The following RABL3 variants were observed in gnomAD, a reference collection of about 807,000 sequenced individuals.
RABL3 encodes rab-like protein 3.
RABL3 carries 31 observed loss-of-function variants against 31.8 expected under a neutral mutation model. The observed-to-expected ratio is 0.97, with a 90% confidence interval of 0.73 to 1.31. RABL3 has a LOEUF of 1.31. RABL3 is among the 40% of genes most tolerant of loss of function. The pLI is 0.00. For missense variants in RABL3, 263 were observed against 279.6 expected (o/e 0.94, Z 0.42); for synonymous variants, 97 against 99.9 (o/e 0.97, Z 0.18).
At chr3:120,727,461 T>C (rs1450447261) in intron 2 of RABL3, among the ~76,000 whole-genome samples, 1 of 152,084 alleles carries the variant, frequency 6.6e-6, no homozygotes. Flanking sequence ...ACTTAAAAAC[T>C]TCCCGCAAAG....
chr3:120,738,266 T>G (rs1003942725), intron 1 of RABL3, among the ~76,000 whole-genome samples: 9 of 152,230 alleles, frequency 5.9e-5, no homozygotes, highest in African/African-American at 1.7e-4. Flanking sequence ...GTGCTAGCAA[T>G]GAGCAAGGCT....
intron 6 of RABL3, 139 bp downstream of exon 6, chr3:120,694,014 T>G: frequency 1.8e-6 from 1 of 570,750 alleles, no homozygotes; most frequent in Non-Finnish European, 3.1e-6. Flanking sequence ...TACCAACAGA[T>G]AAGAGAGATC....
chr3:120,713,400 T>A (rs1202349069), intron 2 of RABL3, among the ~76,000 whole-genome samples: 1 of 152,258 alleles, frequency 6.6e-6, no homozygotes, highest in African/African-American at 2.4e-5. Flanking sequence ...CTAGTTATGA[T>A]GTTACATCTT....
rs1432691783 is a variant in RABL3, at chr3:120,687,468, T to C, written c.*2355A>G. On this transcript the variant is annotated 3_prime_UTR_variant, in exon 8 of 8. Coordinates refer to ENST00000273375, the MANE Select transcript of RABL3 (RefSeq NM_173825.5). ...GCCAATTATACTTTTAAAAAAATAT[T>C]TTGACATTTATACTTGTTTATTATC... The C allele has an allele frequency of 6.6e-6, 1 of 152,162 alleles. No individual in the cohort carries two copies. Among genetic ancestry groups the C allele is most frequent in the African/African-American group, 2.4e-5 (1 of 41,442 alleles). 9.4% of individuals were successfully genotyped at this position (152,162 alleles called of 1,614,324 possible).
intron 1 of RABL3, among the ~76,000 whole-genome samples, chr3:120,736,998 A>G (rs951727113): frequency 1.3e-5 from 2 of 152,076 alleles, no homozygotes; most frequent in African/African-American, 4.8e-5. Context: ...TGACAATTAC[A>G]TGTCTTGGAG....
At chr3:120,718,998 T>C (rs1483418477) in intron 2 of RABL3, among the ~76,000 whole-genome samples, 2 of 151,978 alleles carry the variant, frequency 1.3e-5, no homozygotes, top group Admixed American at 6.6e-5. Flanking sequence ...AAATGAGGAA[T>C]AGACAAATTC....
intron 3 of RABL3, among the ~76,000 whole-genome samples, chr3:120,708,941 G>A (rs1303646736): frequency 1.3e-5 from 2 of 151,884 alleles, no homozygotes; most frequent in African/African-American, 4.8e-5. Context: ...GAAGACATCA[G>A]AAGAGGAATA....
intron 5 of RABL3, among the ~76,000 whole-genome samples, chr3:120,694,503 T>C: frequency 6.6e-6 from 1 of 152,090 alleles, no homozygotes; most frequent in East Asian, 1.9e-4. Context: ...ATTACTAATA[T>C]TTTACTAATA....
At chr3:120,713,628 A>G (rs984709164) in intron 2 of RABL3, among the ~76,000 whole-genome samples, 55 of 152,332 alleles carry the variant, frequency 3.6e-4, no homozygotes, top group African/African-American at 1.2e-3. Context: ...GATTTTCTTA[A>G]CAATAAAGGA....
chr3:120,690,390 A>G, intron 7 of RABL3, 59 bp downstream of exon 7: 1 of 1,276,416 alleles, frequency 7.8e-7, no homozygotes, highest in Non-Finnish European at 1.1e-6. Context: ...CTGAACTTAA[A>G]TTTGGAAATC....
chr3:120,722,950 A>G (rs2107590292), intron 2 of RABL3, among the ~76,000 whole-genome samples: 1 of 152,304 alleles, frequency 6.6e-6, no homozygotes, highest in South Asian at 2.1e-4. Context: ...CTAAGATCAG[A>G]GCAGAACTGA....
Position 120,698,468 on chromosome 3 carries a change from C to T in RABL3, c.489G>A (p.Arg163=), listed in dbSNP as rs374236752. 4 of 1,613,912 alleles carry T rather than the reference C, an allele frequency of 2.5e-6. No individual in the cohort carries two copies. The African/African-American group carries it at 5.3e-5, about 22-fold the overall frequency. Residue 163 remains arginine (R), a synonymous_variant, in exon 5 of 8, where the codon AGG becomes AGA. Transcript: ENST00000273375. The stretch of plus-strand genomic sequence containing the variant: ...TGAAATCCTCAGCCAGGAAAGCAGT[C>T]CTAGTTAAAACTTCATGGCGCTTTG... ...HETKRHEVLT[R]TAFLAEDFNP... is the part of the protein sequence containing the mutation.
At chr3:120,696,109 G>C (rs1708432757) in intron 5 of RABL3, among the ~76,000 whole-genome samples, 1 of 152,202 alleles carries the variant, frequency 6.6e-6, no homozygotes, top group African/African-American at 2.4e-5. Context: ...AGTTTTTACA[G>C]GGTACAATAA....
intron 1 of RABL3, among the ~76,000 whole-genome samples, chr3:120,734,190 C>T (rs946647372): frequency 1.3e-5 from 2 of 152,144 alleles, no homozygotes; most frequent in African/African-American, 4.8e-5. Flanking sequence ...ATGGAATGTT[C>T]TTCCAATTAT....
intron 3 of RABL3, among the ~76,000 whole-genome samples, chr3:120,706,816 T>C (rs1313131314): frequency 6.6e-6 from 1 of 151,984 alleles, no homozygotes; most frequent in African/African-American, 2.4e-5. Flanking sequence ...GTATGGATAG[T>C]AGAAAGTACA....
intron 2 of RABL3, among the ~76,000 whole-genome samples, chr3:120,728,848 GAGAA>G (rs1224410215): frequency 6.6e-6 from 1 of 152,116 alleles, no homozygotes; most frequent in African/African-American, 2.4e-5. Context: ...AGAAAGTTAG[GAGAA>G]AGAAAGGAAT....
In RABL3 at chr3:120,689,462, AAT is replaced by A. The variant is rs1708353679; in HGVS notation, c.*359_*360del. On this transcript the variant is annotated 3_prime_UTR_variant, in exon 8 of 8. Coordinates refer to ENST00000273375, the MANE Select transcript of RABL3 (RefSeq NM_173825.5). ...TGAAGTACTTAATTAAGCTTTCAGC[AAT>A]GAGTGTGGGAAAATTACAGACCCAT... 5.8e-6 allele frequency: 1 copy of A among 171,566 alleles called. No homozygotes were observed. Among genetic ancestry groups the A allele is most frequent in the Admixed American group, 6.2e-5 (1 of 16,060 alleles). The allele number at this position is 171,566 out of a possible 1,614,324, so 10.6% of individuals were successfully genotyped here.
intron 2 of RABL3, among the ~76,000 whole-genome samples, chr3:120,718,473 T>C (rs546206226): frequency 1.3e-5 from 2 of 152,348 alleles, no homozygotes; most frequent in South Asian, 2.1e-4. Context: ...ACCTCTGCTC[T>C]ATAAGTCCTG....
chr3:120,694,961 G>GTT (rs11405676), intron 5 of RABL3, among the ~76,000 whole-genome samples: 46 of 133,022 alleles, frequency 3.5e-4, no homozygotes, highest in Admixed American at 1.1e-3. Context: ...CAGTCTAGCT[G>GTT]TTTTTTTTTT....
Sources: allele counts gnomAD v4.1 joint callset (sites outside exome capture counted in the v4.1 genomes callset), GRCh38; gene constraint gnomAD v4.1.1; transcripts MANE v1.5; gene names NCBI Gene and HGNC (gene_info 2026-07-23, HGNC 2026-07-21).